GLIS3: variants seen among roughly 807,000 people sequenced by gnomAD.
GLIS3 encodes zinc finger protein GLIS3.
Under a neutral mutation model 78.6 loss-of-function variants are expected in GLIS3, and 53 were observed. The ratio of observed to expected loss-of-function variants is 0.67; its 90% CI spans 0.54 to 0.85. The LOEUF (loss-of-function observed/expected upper bound fraction) is 0.85, where lower values mean the gene tolerates loss of function less well. GLIS3 is among the 40% of genes least tolerant of loss of function. The probability of loss-of-function intolerance (pLI) is 0.00; values close to 1 mark genes in which losing one functional copy is unlikely to be tolerated. For missense variants in GLIS3, 1,703 were observed against 1,231.1 expected (o/e 1.38, Z -5.74); for synonymous variants, 684 against 509.9 (o/e 1.34, Z -4.60).
chr9:4,025,601 G>T (rs928966924), intron 4 of GLIS3, among the ~76,000 whole-genome samples: 1 of 152,012 alleles, frequency 6.6e-6, no homozygotes, highest in African/African-American at 2.4e-5. Context: ...TTTGCCAGGA[G>T]GGTCTGCGTC....
At chr9:4,489,838 C>G in the GLIS3 span, among the ~76,000 whole-genome samples, 1 of 152,186 alleles carries the variant, frequency 6.6e-6, no homozygotes, top group African/African-American at 2.4e-5. Context: ...GGGAACACTC[C>G]CAAGCCCAGT....
intron 4 of GLIS3, among the ~76,000 whole-genome samples, chr9:4,069,528 T>C (rs1425010208): frequency 6.6e-6 from 1 of 152,204 alleles, no homozygotes; most frequent in African/African-American, 2.4e-5. Context: ...TCACAGATTC[T>C]TATTATCTGT....
intron 2 of GLIS3, among the ~76,000 whole-genome samples, chr9:4,194,744 G>T (rs1019897480): frequency 5.9e-5 from 9 of 152,228 alleles, no homozygotes; most frequent in Non-Finnish European, 1.0e-4. Context: ...CTACCTCTGT[G>T]ACTCACCTTT....
At chr9:4,251,988 G>A (rs1238257598) in intron 2 of GLIS3, among the ~76,000 whole-genome samples, 1 of 152,124 alleles carries the variant, frequency 6.6e-6, no homozygotes, top group African/African-American at 2.4e-5. Flanking sequence ...TTAGTCTGAT[G>A]GGCTTCCCTT....
intron 2 of GLIS3, among the ~76,000 whole-genome samples, chr9:4,317,024 C>A (rs545159972): frequency 1.6e-4 from 24 of 152,188 alleles, no homozygotes; most frequent in African/African-American, 4.8e-4. Flanking sequence ...GACTTGCTGT[C>A]CCTTCAAGGA....
At chr9:4,232,764 G>A (rs759229938) in intron 2 of GLIS3, among the ~76,000 whole-genome samples, 1 of 152,182 alleles carries the variant, frequency 6.6e-6, no homozygotes, top group Non-Finnish European at 1.5e-5. Flanking sequence ...GAGACTATCT[G>A]TGTCATTCCT....
the GLIS3 span, among the ~76,000 whole-genome samples, chr9:4,474,734 TCA>T: frequency 6.7e-6 from 1 of 149,500 alleles, no homozygotes. Flanking sequence ...TCTTGTTCTG[TCA>T]CCCAGGCTGG....
intron 9 of GLIS3, among the ~76,000 whole-genome samples, chr9:3,839,114 G>A (rs895246635): frequency 1.1e-4 from 17 of 152,094 alleles, no homozygotes; most frequent in Admixed American, 9.2e-4. Context: ...TGACATTTTT[G>A]TCCTGTAAGC....
intron 4 of GLIS3, among the ~76,000 whole-genome samples, chr9:4,085,403 C>T (rs1297323979): frequency 6.6e-6 from 1 of 152,126 alleles, no homozygotes; most frequent in Non-Finnish European, 1.5e-5. Context: ...GCAGAGCTCA[C>T]CACTTCTCCT....
the GLIS3 span, among the ~76,000 whole-genome samples, chr9:4,393,399 G>T: frequency 6.6e-6 from 1 of 152,096 alleles, no homozygotes; most frequent in Non-Finnish European, 1.5e-5. Flanking sequence ...TAACTACACT[G>T]TGATTATCAA....
chr9:4,021,304 A>G (rs1822863063), intron 4 of GLIS3, among the ~76,000 whole-genome samples: 1 of 152,214 alleles, frequency 6.6e-6, no homozygotes, highest in Non-Finnish European at 1.5e-5. Context: ...ATTCATTTTT[A>G]AATGATTTAT....
intron 2 of GLIS3, among the ~76,000 whole-genome samples, chr9:4,282,545 C>G (rs1827654166): frequency 6.6e-6 from 1 of 152,204 alleles, no homozygotes; most frequent in South Asian, 2.1e-4. Flanking sequence ...GAAACATCAG[C>G]TCTTCCTGGA....
At chr9:4,371,217 C>T in the GLIS3 span, among the ~76,000 whole-genome samples, 2 of 152,198 alleles carry the variant, frequency 1.3e-5, no homozygotes, top group Non-Finnish European at 1.5e-5. Context: ...CAATTTCCAT[C>T]GGCTGATTCA....
chr9:3,877,587 A>G (rs746651648), intron 8 of GLIS3, among the ~76,000 whole-genome samples: 6 of 151,176 alleles, frequency 4.0e-5, no homozygotes, highest in Non-Finnish European at 7.4e-5. Flanking sequence ...ACACTACCAC[A>G]CTCTTTTTGT....
At chr9:3,923,583 G>GTT (rs33990978) in intron 6 of GLIS3, among the ~76,000 whole-genome samples, 30,455 of 150,118 alleles carry the variant, frequency 0.2, 3,433 homozygotes, top group Middle Eastern at 0.27. Context: ...TCAGAAAGGT[G>GTT]TTTTTTTTTT....
intron 8 of GLIS3, among the ~76,000 whole-genome samples, chr9:3,879,101 G>A (rs1305614956): frequency 1.3e-5 from 2 of 151,980 alleles, no homozygotes; most frequent in East Asian, 1.9e-4. Flanking sequence ...GAAGTGCTTC[G>A]ACCTGCATAT....
At chr9:4,012,583 C>T (rs1229043022) in intron 4 of GLIS3, among the ~76,000 whole-genome samples, 1 of 152,014 alleles carries the variant, frequency 6.6e-6, no homozygotes. Flanking sequence ...ATTCATGTTT[C>T]TGTTGGACTA....
the GLIS3 span, among the ~76,000 whole-genome samples, chr9:4,426,531 C>A: frequency 3.3e-4 from 51 of 152,374 alleles, 1 homozygote; most frequent in Middle Eastern, 0.017. Flanking sequence ...ATTACTCATT[C>A]TTTAAGACTG....
At chr9:4,278,722 T>C (rs529206672) in intron 2 of GLIS3, among the ~76,000 whole-genome samples, 4 of 152,316 alleles carry the variant, frequency 2.6e-5, no homozygotes, top group Non-Finnish European at 5.9e-5. Flanking sequence ...CTATGAAAGA[T>C]TGTTGGAGGA....
Sources: allele counts gnomAD v4.1 joint callset (sites outside exome capture counted in the v4.1 genomes callset), GRCh38; gene constraint gnomAD v4.1.1; transcripts MANE v1.5; gene names NCBI Gene and HGNC (gene_info 2026-07-23, HGNC 2026-07-21).